NLE1: variants seen among roughly 807,000 people sequenced by gnomAD.
NLE1 encodes notchless homolog 1.
NLE1 carries 37 observed loss-of-function variants against 62.8 expected under a neutral mutation model. The observed-to-expected ratio is 0.59, with a 90% CI of 0.45 to 0.78. NLE1 has a LOEUF of 0.78. Among genes scored for constraint, NLE1 ranks in the 30% least tolerant of loss-of-function variants. NLE1 has a pLI of 0.00. For synonymous variants in NLE1, 243 were observed against 253.0 expected (o/e 0.96, Z 0.37); for missense variants, 555 against 637.9 (o/e 0.87, Z 1.40).
At chr17:35,142,234 C>T in intron 1 of NLE1, 24 bp downstream of exon 1, 1 of 1,552,690 alleles carries the variant, frequency 6.4e-7, no homozygotes, top group Non-Finnish European at 8.7e-7. Context: ...GCGACGCCCC[C>T]CGCCCCCATC....
intron 12 of NLE1, among the ~76,000 whole-genome samples, chr17:35,132,909 G>A (rs996473152): frequency 1.3e-5 from 2 of 152,052 alleles, no homozygotes; most frequent in African/African-American, 2.4e-5. Context: ...CTGTTGTTCC[G>A]GTGGCCCTCC....
intron 6 of NLE1, 149 bp downstream of exon 6, chr17:35,137,394 G>A (rs989501956): frequency 3.3e-5 from 27 of 816,094 alleles, no homozygotes; most frequent in Admixed American, 1.1e-4. Context: ...AGGTCTGCCC[G>A]AGACCCTTCT....
rs1348387771 is a variant in NLE1, at chr17:35,137,189, G to T, written c.640C>A (p.Pro214Thr). ...CTGCTGGCCACATAGCGGCACTCAG[G>T]GTTCCTGGAGAGAAGGGAGATGTGA... ...GLSWEPLHAN[P>T]ECRYVASSSK... The change falls in exon 7 of 13, where the codon CCT becomes ACT. Residue 214 changes from proline to threonine, a missense_variant. Coordinates refer to ENST00000442241, the MANE Select transcript of NLE1 (RefSeq NM_018096.5). The T allele has an allele frequency of 3.1e-6, 5 of 1,604,282 alleles. No individual in the cohort carries two copies. Among genetic ancestry groups the T allele is most frequent in the Non-Finnish European group, 4.3e-6 (5 of 1,172,658 alleles).
chr17:35,139,009 C>A (rs569689700), intron 4 of NLE1, among the ~76,000 whole-genome samples: 1 of 152,146 alleles, frequency 6.6e-6, no homozygotes, highest in South Asian at 2.1e-4. Flanking sequence ...GTGAGACCCT[C>A]ATCTGTATGA....
At chr17:35,133,855 T>C (rs961678190) in intron 10 of NLE1, among the ~76,000 whole-genome samples, 4 of 152,122 alleles carry the variant, frequency 2.6e-5, no homozygotes, top group African/African-American at 9.7e-5. Flanking sequence ...GGAGTAACAG[T>C]GGGCCCACTG....
chr17:35,136,169 C>A lies in NLE1; in HGVS notation c.1011G>T (p.Arg337=). ...ERALSRYNLV[R]GQGPERLVSG... is the part of the protein sequence containing the mutation. ...GTGCACGTGGCTGGCACACACTCAC[C>A]CGCACGAGGTTGTATCGGCTCAGAG... Residue 337 remains arginine (R), a splice_region_variant and synonymous_variant, in exon 9 of 13, where the codon CGG becomes CGT. Transcript: ENST00000442241. 1.2e-6 allele frequency: 2 copies of A among 1,614,162 alleles called. No individual in the cohort carries two copies. The highest frequency in any genetic ancestry group is 1.7e-6 in the Non-Finnish European group (2 of 1,180,010).
chr17:35,132,926 C>T (rs531883305), intron 12 of NLE1, among the ~76,000 whole-genome samples: 2 of 151,126 alleles, frequency 1.3e-5, no homozygotes, highest in Admixed American at 1.3e-4. Flanking sequence ...CTCCCACTTG[C>T]CCACTGACAG....
At position 35,139,286 on chromosome 17, in the gene NLE1, TG is replaced by T; in HGVS notation, c.408del (p.Thr137ProfsTer69). On this transcript the variant is annotated frameshift_variant, in exon 4 of 13. Coordinates refer to ENST00000442241, the MANE Select transcript of NLE1 (RefSeq NM_018096.5). LOFTEE classifies it high-confidence loss of function. Reference sequence around the variant, plus strand: ...GTGCTGAGATCCCAGAAGCGCACGGTGGTGTCTCCAGAGCCACTGGCCAGGT... The same window carrying T: ...GTGCTGAGATCCCAGAAGCGCACGGTGTGTCTCCAGAGCCACTGGCCAGGT... The part of the protein sequence containing the change: ...GKYLASGSGD[T>X]TVRFWDLSTE... 6.2e-7 allele frequency: 1 copy of T among 1,614,058 alleles called. No individual in the cohort carries two copies. The highest frequency in any genetic ancestry group is 8.5e-7 in the Non-Finnish European group (1 of 1,179,946).
Position 35,136,437 on chromosome 17 carries a change from T to C in NLE1, c.889A>G (p.Thr297Ala). The C allele has an allele frequency of 1.2e-6, 2 of 1,614,132 alleles. No individual in the cohort carries two copies. Among genetic ancestry groups the C allele is most frequent in the Non-Finnish European group, 1.7e-6 (2 of 1,179,980 alleles). Residue 297 changes from threonine to alanine, a missense_variant, in exon 8 of 13, where the codon ACT becomes GCT. Physicochemically the swap from Thr to Ala is moderately conservative, Grantham distance 58 (BLOSUM62 0). Coordinates refer to ENST00000442241, the MANE Select transcript of NLE1 (RefSeq NM_018096.5). ...GHWVNTMALS[T>A]DYALRTGAFE... is the part of the protein sequence containing the mutation. ...GCCCCAGTGCGCAGGGCATAGTCAGTGCTGAGGGCCATGGTGTTCACCCAG... is the reference window on the plus strand; with the variant it reads ...GCCCCAGTGCGCAGGGCATAGTCAGCGCTGAGGGCCATGGTGTTCACCCAG...
At chr17:35,138,182 T>G (rs2091921197) in intron 4 of NLE1, among the ~76,000 whole-genome samples, 2 of 152,200 alleles carry the variant, frequency 1.3e-5, no homozygotes, top group African/African-American at 4.8e-5. Context: ...CTCTAAGCTA[T>G]GGAGCAAAGC....
rs536749364 is a variant in NLE1, at chr17:35,136,806, A to C, written c.828+195T>G. ...GGAATTTCCAGAGTGTGACGATCTC[A>C]TGGGGACTCTGCAATCTCCACTATG... is the stretch of plus-strand genomic sequence containing the variant. On this transcript the variant is annotated intron_variant, in intron 7 of 12. Coordinates refer to ENST00000442241, the MANE Select transcript of NLE1 (RefSeq NM_018096.5). 2.0e-5 allele frequency among the ~76,000 whole-genome samples: 3 copies of C among 152,194 alleles called. No homozygotes were observed. The South Asian group carries it at 6.2e-4, about 32-fold the overall frequency.
In NLE1 at chr17:35,139,236, C is replaced by A; in HGVS notation, c.459G>T (p.Lys153Asn). 6.2e-7 allele frequency: 1 copy of A among 1,613,522 alleles called. No homozygotes were observed. The highest frequency in any genetic ancestry group is 8.5e-7 in the Non-Finnish European group (1 of 1,179,620). ...LSTETPHFTC[K>N]GHRHWVLSIS... ...CTAAATGGCTAATTGCATACTGACC[C>A]TTGCATGTGAAATGTGGTGTCTCTG... Residue 153 changes from lysine to asparagine, a missense_variant and splice_region_variant, in exon 4 of 13, where the codon AAG (lysine) becomes AAT (asparagine). Transcript: ENST00000442241.
chr17:35,136,003 T>C (rs2091906127), intron 9 of NLE1, among the ~76,000 whole-genome samples, 166 bp downstream of exon 9: 1 of 152,224 alleles, frequency 6.6e-6, no homozygotes, highest in African/African-American at 2.4e-5. Flanking sequence ...AAATGATCTC[T>C]AGCACATTAG....
Position 35,129,607 on chromosome 17 carries a change from T to C in NLE1, c.*2830A>G. 2 of 1,614,110 alleles carry C rather than the reference T, an allele frequency of 1.2e-6. No homozygotes were observed. Among genetic ancestry groups the C allele is most frequent in the East Asian group, 2.2e-5 (1 of 44,876 alleles). ...AGCCTAACACGTGTTACTGCCTCAG[T>C]GTCCGTGCAGCCAACACAGCTGGGG... is the stretch of plus-strand genomic sequence containing the variant. On this transcript the variant is annotated 3_prime_UTR_variant, in exon 13 of 13. Transcript: ENST00000442241.
rs755181789 is a variant in NLE1 at position 35,133,439 on chromosome 17, T to C, written c.1274A>G (p.Asp425Gly). ...AAVYQIAWSA[D>G]SRLLVSGSSD... ...GCTGCCGCTGACCAGGAGCCGACTG[T>C]CAGCTGACCACGCAATCTGGTACAC... Residue 425 changes from aspartate to glycine, a missense_variant, in exon 11 of 13, where the codon GAC becomes GGC. Asp to Gly is a moderately conservative substitution (Grantham distance 94, BLOSUM62 -1). Coordinates refer to ENST00000442241, the MANE Select transcript of NLE1 (RefSeq NM_018096.5). The C allele has an allele frequency of 2.5e-6, 4 of 1,614,090 alleles. No homozygotes were observed. The Admixed American group carries it at 6.7e-5, about 27-fold the overall frequency.
intron 3 of NLE1, among the ~76,000 whole-genome samples, chr17:35,139,579 C>G (rs1323842862): frequency 6.6e-6 from 1 of 152,180 alleles, no homozygotes; most frequent in African/African-American, 2.4e-5. Context: ...AAAATTAACT[C>G]GGAAAGGTTA....
At position 35,129,694 on chromosome 17, in the gene NLE1, G is replaced by C. The variant is rs747724575; in HGVS notation, c.*2743C>G. On this transcript the variant is annotated 3_prime_UTR_variant, in exon 13 of 13. Transcript: ENST00000442241. ...GGAAAAGAGGGGCCTTGGGGGTGGA[G>C]AGAAGTCCAAAGCCAGGGAACCAGG... is the stretch of plus-strand genomic sequence containing the variant. 1.9e-6 allele frequency: 3 copies of C among 1,602,170 alleles called. No individual in the cohort carries two copies. Among genetic ancestry groups the C allele is most frequent in the East Asian group, 2.2e-5 (1 of 44,666 alleles).
chr17:35,139,150 A>G, intron 4 of NLE1, 85 bp downstream of exon 4: 1 of 1,169,606 alleles, frequency 8.5e-7, no homozygotes, highest in Non-Finnish European at 1.3e-6. Context: ...CTGTGACTGC[A>G]CCACTGTACT....
At chr17:35,138,549 TTCTTCTGCC>T (rs2091923569) in intron 4 of NLE1, among the ~76,000 whole-genome samples, 1 of 152,148 alleles carries the variant, frequency 6.6e-6, no homozygotes. Flanking sequence ...ATTCGAGCAA[TTCTTCTGCC>T]TCAGCCTCCC....
Sources: allele counts gnomAD v4.1 joint callset (sites outside exome capture counted in the v4.1 genomes callset), GRCh38; gene constraint gnomAD v4.1.1; transcripts MANE v1.5; gene names NCBI Gene and HGNC (gene_info 2026-07-23, HGNC 2026-07-21).